The following ALK variants were observed in gnomAD, a reference collection of about 807,000 sequenced individuals.
ALK encodes ALK receptor tyrosine kinase.
In ALK, 74 loss-of-function variants were observed where a neutral mutation model predicts 163.1. The ratio of observed to expected loss-of-function variants is 0.45; its 90% CI spans 0.38 to 0.55. ALK has a LOEUF of 0.55. Among genes scored for constraint, ALK ranks in the 20% least tolerant of loss-of-function variants. ALK has a pLI of 0.00. For missense variants in ALK, 2,063 were observed against 2,105.3 expected (o/e 0.98, Z 0.39); for synonymous variants, 960 against 843.2 (o/e 1.14, Z -2.40).
chr2:29,906,736 A>T (rs1667557708), intron 1 of ALK, among the ~76,000 whole-genome samples: 1 of 152,178 alleles, frequency 6.6e-6, no homozygotes, highest in African/African-American at 2.4e-5. Flanking sequence ...TACTAAAATC[A>T]TAAAACTACC....
intron 14 of ALK, among the ~76,000 whole-genome samples, chr2:29,232,901 G>C (rs4665448): frequency 0.43 from 65,998 of 151,956 alleles, 15,016 homozygotes; most frequent in East Asian, 0.7. Flanking sequence ...AGTCCTGTGG[G>C]AGGACCTAGC....
At chr2:29,572,984 G>A (rs954827353) in intron 3 of ALK, among the ~76,000 whole-genome samples, 1 of 152,194 alleles carries the variant, frequency 6.6e-6, no homozygotes, top group African/African-American at 2.4e-5. Flanking sequence ...CTCAGGCCCT[G>A]GCTTCTGAGC....
intron 4 of ALK, among the ~76,000 whole-genome samples, chr2:29,430,308 G>T (rs1322962766): frequency 6.6e-6 from 1 of 152,166 alleles, no homozygotes; most frequent in Non-Finnish European, 1.5e-5. Flanking sequence ...TATCTGATGA[G>T]ACTTGTATCT....
intron 11 of ALK, among the ~76,000 whole-genome samples, chr2:29,253,818 A>G (rs1664880945): frequency 6.6e-6 from 1 of 151,596 alleles, no homozygotes; most frequent in South Asian, 2.1e-4. Context: ...TTCAACCCTG[A>G]AAATGAAAGA....
intron 4 of ALK, among the ~76,000 whole-genome samples, chr2:29,401,941 A>G (rs984583138): frequency 6.6e-6 from 1 of 152,274 alleles, no homozygotes; most frequent in African/African-American, 2.4e-5. Flanking sequence ...AAGGATTTTA[A>G]TACTAAGAAG....
intron 1 of ALK, among the ~76,000 whole-genome samples, chr2:29,780,377 C>G (rs1031616380): frequency 1.2e-4 from 18 of 152,220 alleles, no homozygotes; most frequent in Non-Finnish European, 1.5e-4. Flanking sequence ...TTGCCAAGCC[C>G]TGAAGACCCT....
rs548592698 is a variant in ALK, at chr2:29,511,766, T to C, written c.1154+20149A>G. 9.8e-5 allele frequency among the ~76,000 whole-genome samples: 15 copies of C among 152,382 alleles called. No individual in the cohort carries two copies. The South Asian group carries it at 3.1e-3, about 32-fold the overall frequency. ...CCATGTTGTATTCTCACCAGTAGTA[T>C]ATGAAAGTTCTAGTTCCTTTATATC... On this transcript the variant is annotated intron_variant, in intron 4 of 28. Transcript: ENST00000389048.
At chr2:29,273,072 C>G (rs1256735245) in intron 11 of ALK, among the ~76,000 whole-genome samples, 5 of 152,246 alleles carry the variant, frequency 3.3e-5, no homozygotes, top group Non-Finnish European at 7.3e-5. Context: ...TCTGGCCTAT[C>G]CCTCTGTCCT....
chr2:29,229,172 G>T, intron 15 of ALK, 106 bp from the exon 16 acceptor site: 2 of 980,874 alleles, frequency 2.0e-6, no homozygotes, highest in Non-Finnish European at 3.2e-6. Context: ...GCCCGCACCA[G>T]CTCCAGCTCC....
At chr2:29,592,570 A>G (rs576853409) in intron 3 of ALK, among the ~76,000 whole-genome samples, 2 of 152,310 alleles carry the variant, frequency 1.3e-5, no homozygotes, top group South Asian at 4.1e-4. Context: ...CTTCCTGGCT[A>G]GTTTTCATGT....
chr2:29,548,082 T>C (rs1218766315), intron 3 of ALK, among the ~76,000 whole-genome samples: 1 of 152,198 alleles, frequency 6.6e-6, no homozygotes, highest in Non-Finnish European at 1.5e-5. Flanking sequence ...TTCTTTCTTC[T>C]TTTTCTTGCC....
chr2:29,611,919 G>A (rs912871036), intron 3 of ALK, among the ~76,000 whole-genome samples: 3 of 152,158 alleles, frequency 2.0e-5, no homozygotes, highest in African/African-American at 7.2e-5. Context: ...CCAGTCTCGG[G>A]TAGTTCTTTA....
chr2:29,537,851 C>T (rs114797221), intron 3 of ALK, among the ~76,000 whole-genome samples: 2,353 of 152,348 alleles, frequency 0.015, 63 homozygotes, highest in African/African-American at 0.054. Flanking sequence ...GTTGCAGCAG[C>T]GTGCCCTGGA....
intron 4 of ALK, among the ~76,000 whole-genome samples, chr2:29,460,950 T>C (rs1671070769): frequency 6.6e-6 from 1 of 152,176 alleles, no homozygotes. Flanking sequence ...AAGGAAAAGT[T>C]CTTGGAGGAC....
chr2:29,585,237 G>A (rs1460070831), intron 3 of ALK, among the ~76,000 whole-genome samples: 1 of 152,148 alleles, frequency 6.6e-6, no homozygotes. Flanking sequence ...TACTTTAGGT[G>A]ATGATGCAAA....
intron 1 of ALK, among the ~76,000 whole-genome samples, chr2:29,806,696 T>C (rs779023094): frequency 2.6e-5 from 4 of 151,892 alleles, no homozygotes; most frequent in South Asian, 2.1e-4. Flanking sequence ...CGGGGGAAGG[T>C]AGAGGAGTTG....
At chr2:29,361,942 T>G (rs189713631) in intron 5 of ALK, among the ~76,000 whole-genome samples, 1 of 152,338 alleles carries the variant, frequency 6.6e-6, no homozygotes, top group East Asian at 1.9e-4. Context: ...CACTTCATTG[T>G]TCCTCATGAG....
intron 3 of ALK, among the ~76,000 whole-genome samples, chr2:29,630,919 T>A (rs1676350379): frequency 6.6e-6 from 1 of 152,206 alleles, no homozygotes; most frequent in African/African-American, 2.4e-5. Flanking sequence ...ATAGATGTAT[T>A]TAGCTGCGAT....
intron 4 of ALK, among the ~76,000 whole-genome samples, chr2:29,508,112 A>G (rs1672388507): frequency 6.6e-6 from 1 of 152,120 alleles, no homozygotes. Flanking sequence ...CTGCCACCCT[A>G]CAGGGTCTGG....
Sources: gnomAD v4.1 joint callset for allele counts (sites outside exome capture counted in the v4.1 genomes callset) on GRCh38, gnomAD v4.1.1 for gene constraint, MANE v1.5 for transcripts, NCBI Gene and HGNC (gene_info 2026-07-23, HGNC 2026-07-21) for gene names.